SEMA5A: variants seen among roughly 807,000 people sequenced by gnomAD.
SEMA5A encodes the protein semaphorin-5A.
SEMA5A carries 55 observed loss-of-function variants against 135.5 expected under a neutral mutation model. That is an observed-to-expected ratio of 0.41 (90% confidence interval 0.33 to 0.51). The LOEUF (loss-of-function observed/expected upper bound fraction) is 0.51, where lower values mean the gene tolerates loss of function less well. Ranked by LOEUF, SEMA5A falls within the 20% of genes least tolerant of loss-of-function variation. The pLI is 0.37. For synonymous variants in SEMA5A, 580 were observed against 546.5 expected, an observed-to-expected ratio of 1.06 and a Z score of -0.85; for missense variants, 1,290 against 1,419.9, an observed-to-expected ratio of 0.91 and a Z score of 1.47.
chr5:9,122,546 T>C, intron 14 of SEMA5A, 110 bp downstream of exon 14: 1 of 1,121,008 alleles, frequency 8.9e-7, no homozygotes, highest in Non-Finnish European at 1.2e-6. Flanking sequence ...CCCTGGTGTT[T>C]CACCACAGTT....
chr5:9,401,395 A>T lies in SEMA5A; in HGVS notation c.-77-21372T>A, dbSNP rs183902811. 6.6e-5 allele frequency among the ~76,000 whole-genome samples: 10 copies of T among 152,314 alleles called. No individual in the cohort carries two copies. In the East Asian group the frequency reaches 1.9e-3, roughly 29 times the overall value. On this transcript the variant is annotated intron_variant, in intron 2 of 22. Transcript: ENST00000382496. ...TTTCCCATGGTGTCCACCCTTAATT[A>T]TTAAACATGTCCTTCTAGAATCTCA... is the stretch of plus-strand genomic sequence containing the variant.
intron 15 of SEMA5A, among the ~76,000 whole-genome samples, chr5:9,111,296 A>G (rs748878752): frequency 1.3e-4 from 20 of 152,124 alleles, no homozygotes; most frequent in Admixed American, 5.2e-4. Flanking sequence ...AACAACAACA[A>G]AAAAATGGGT....
At chr5:9,448,314 G>A (rs1758507704) in intron 1 of SEMA5A, among the ~76,000 whole-genome samples, 1 of 152,190 alleles carries the variant, frequency 6.6e-6, no homozygotes, top group Non-Finnish European at 1.5e-5. Flanking sequence ...TCCACTCTGT[G>A]GAACTAAATG....
chr5:9,231,882 C>A (rs1157462432), intron 6 of SEMA5A, among the ~76,000 whole-genome samples: 1 of 152,200 alleles, frequency 6.6e-6, no homozygotes, highest in East Asian at 1.9e-4. Context: ...CCTCTAGCAG[C>A]TTGCTGCCAC....
chr5:9,178,321 T>G (rs1054858605), intron 11 of SEMA5A, among the ~76,000 whole-genome samples: 2 of 146,354 alleles, frequency 1.4e-5, no homozygotes, highest in African/African-American at 5.0e-5. Context: ...CTTTCTTTTT[T>G]TTTTCTCTCC....
At chr5:9,124,582 G>A (rs938444052) in intron 13 of SEMA5A, among the ~76,000 whole-genome samples, 1 of 152,108 alleles carries the variant, frequency 6.6e-6, no homozygotes, top group African/African-American at 2.4e-5. Flanking sequence ...TCAGCCTCCT[G>A]AGTAGCTGGG....
At chr5:9,351,104 G>C (rs1395520047) in intron 3 of SEMA5A, among the ~76,000 whole-genome samples, 1 of 152,180 alleles carries the variant, frequency 6.6e-6, no homozygotes, top group African/African-American at 2.4e-5. Flanking sequence ...GGGCATTATG[G>C]TACCTGCTTA....
At chr5:9,279,650 G>A (rs746063621) in intron 5 of SEMA5A, among the ~76,000 whole-genome samples, 2 of 152,110 alleles carry the variant, frequency 1.3e-5, no homozygotes, top group Non-Finnish European at 2.9e-5. Context: ...TGGATCACAG[G>A]GGCAGATTTC....
intron 5 of SEMA5A, among the ~76,000 whole-genome samples, chr5:9,252,062 G>A (rs1011001091): frequency 1.3e-5 from 2 of 152,288 alleles, no homozygotes; most frequent in African/African-American, 4.8e-5. Flanking sequence ...GAATGAGTTG[G>A]CAGGATCTCC....
intron 1 of SEMA5A, among the ~76,000 whole-genome samples, chr5:9,512,829 T>C (rs1010392694): frequency 1.3e-5 from 2 of 152,112 alleles, no homozygotes; most frequent in Non-Finnish European, 2.9e-5. Flanking sequence ...ATTATTTTTA[T>C]CTGTTCTTGA....
chr5:9,391,584 A>G (rs1445356562), intron 2 of SEMA5A, among the ~76,000 whole-genome samples: 1 of 151,586 alleles, frequency 6.6e-6, no homozygotes, highest in African/African-American at 2.4e-5. Context: ...CCCACACAAC[A>G]CTCTAAACCA....
At position 9,197,207 on chromosome 5, in the gene SEMA5A, C is replaced by T. The variant is rs754257337; in HGVS notation, c.1029G>A (p.Ser343=). The T allele has an allele frequency of 1.9e-5, 31 of 1,614,058 alleles. No individual in the cohort carries two copies. In the Admixed American group the frequency reaches 3.7e-4, roughly 19 times the overall value. ...GPFKYQENSR[S]AWLPYPNPNP... ...TTGGGTTGGGATACGGTAGCCAGGCCGAGCGCGAGTTTTCTTGGTACTTGA... is the reference window on the plus strand; with the variant it reads ...TTGGGTTGGGATACGGTAGCCAGGCTGAGCGCGAGTTTTCTTGGTACTTGA... The change falls in exon 10 of 23, where the codon TCG becomes TCA. Residue 343 remains serine, a synonymous_variant. Coordinates refer to ENST00000382496, the MANE Select transcript of SEMA5A (RefSeq NM_003966.3).
Position 9,351,404 on chromosome 5 carries a change from G to T in SEMA5A, c.125-13592C>A, listed in dbSNP as rs1269734297. 2.6e-5 allele frequency among the ~76,000 whole-genome samples: 4 copies of T among 152,082 alleles called. No individual in the cohort carries two copies. In the South Asian group the frequency reaches 6.2e-4, roughly 24 times the overall value. On this transcript the variant is annotated intron_variant, in intron 3 of 22. Coordinates refer to ENST00000382496, the MANE Select transcript of SEMA5A (RefSeq NM_003966.3). ...ATATGTGGCTAGAAACTAGACAAATGCCACTTATGATATAATTAGTGCATT... is the reference window on the plus strand; with the variant it reads ...ATATGTGGCTAGAAACTAGACAAATTCCACTTATGATATAATTAGTGCATT...
intron 9 of SEMA5A, among the ~76,000 whole-genome samples, 175 bp downstream of exon 9, chr5:9,201,780 A>G (rs1012731912): frequency 4.6e-5 from 7 of 152,224 alleles, no homozygotes; most frequent in African/African-American, 1.7e-4. Flanking sequence ...CTCACAAATC[A>G]CATATCTTTA....
chr5:9,291,003 G>A (rs977205281), intron 5 of SEMA5A, among the ~76,000 whole-genome samples: 8 of 152,150 alleles, frequency 5.3e-5, no homozygotes, highest in Non-Finnish European at 1.0e-4. Context: ...GAGCAAGTGA[G>A]GCACCAGCAT....
chr5:9,240,726 C>T (rs1367679394), intron 5 of SEMA5A, among the ~76,000 whole-genome samples: 1 of 152,020 alleles, frequency 6.6e-6, no homozygotes, highest in East Asian at 1.9e-4. Context: ...CCAAATACCT[C>T]TTAATCAAGC....
intron 1 of SEMA5A, among the ~76,000 whole-genome samples, chr5:9,445,753 T>G (rs1758411532): frequency 1.3e-5 from 2 of 152,066 alleles, no homozygotes; most frequent in African/African-American, 4.8e-5. Context: ...TGGAGACCAG[T>G]CCCAGAGGTC....
chr5:9,490,983 T>C (rs1734971726), intron 1 of SEMA5A, among the ~76,000 whole-genome samples: 1 of 152,198 alleles, frequency 6.6e-6, no homozygotes, highest in Non-Finnish European at 1.5e-5. Context: ...GTCAGCCTCA[T>C]GGAGTGGCTC....
intron 1 of SEMA5A, among the ~76,000 whole-genome samples, chr5:9,531,973 A>T (rs1264163455): frequency 2.6e-5 from 4 of 152,186 alleles, no homozygotes; most frequent in African/African-American, 9.7e-5. Context: ...AAAAAGACCT[A>T]CCTGTGGACA....
Sources: allele counts gnomAD v4.1 joint callset (sites outside exome capture counted in the v4.1 genomes callset), GRCh38; gene constraint gnomAD v4.1.1; transcripts MANE v1.5; gene names NCBI Gene and HGNC (gene_info 2026-07-23, HGNC 2026-07-21).